The following TNKS2 variants were observed in gnomAD, a reference collection of about 807,000 sequenced individuals.
TNKS2 encodes the protein poly [ADP-ribose] polymerase tankyrase-2.
A neutral mutation model predicts 137.6 loss-of-function variants in TNKS2; 72 were observed. That is an observed-to-expected ratio of 0.52 (90% CI 0.43 to 0.64). TNKS2 has a LOEUF of 0.64. Ranked by LOEUF, TNKS2 falls within the 30% of genes least tolerant of loss-of-function variation. TNKS2 has a pLI of 0.00. For missense variants in TNKS2, 1,049 were observed against 1,410.2 expected, an observed-to-expected ratio of 0.74 and a Z score of 4.10; for synonymous variants, 516 against 512.1, an observed-to-expected ratio of 1.01 and a Z score of -0.10.
chr10:91,816,646 T>A (rs1372018691), intron 2 of TNKS2, among the ~76,000 whole-genome samples: 3 of 151,690 alleles, frequency 2.0e-5, no homozygotes, highest in Admixed American at 2.0e-4. Context: ...GCTATTCAGT[T>A]TTTTGTGTTT....
chr10:91,846,408 C>T (rs1407852395), intron 18 of TNKS2, among the ~76,000 whole-genome samples: 2 of 152,204 alleles, frequency 1.3e-5, no homozygotes, highest in Non-Finnish European at 2.9e-5. Context: ...TTGTTGCTCA[C>T]CCTACCTTAA....
chr10:91,852,234 A>C (rs9420573), intron 21 of TNKS2, among the ~76,000 whole-genome samples: 28,830 of 146,406 alleles, frequency 0.2, 2,839 homozygotes, highest in Middle Eastern at 0.3. Context: ...TCTCAAAAAA[A>C]ATAAATAAAT....
At chr10:91,839,518 C>G (rs1436785821) in intron 13 of TNKS2, among the ~76,000 whole-genome samples, 3 of 152,024 alleles carry the variant, frequency 2.0e-5, no homozygotes, top group African/African-American at 7.2e-5. Flanking sequence ...TCTCAAACTC[C>G]TGACCTCAAG....
chr10:91,849,624 A>G, intron 20 of TNKS2, 30 bp downstream of exon 20: 1 of 1,545,560 alleles, frequency 6.5e-7, no homozygotes, highest in Non-Finnish European at 8.7e-7. Flanking sequence ...TGTTTGGATT[A>G]GTGTTTTATG....
At chr10:91,814,467 T>C (rs1217389278) in intron 2 of TNKS2, among the ~76,000 whole-genome samples, 1 of 152,224 alleles carries the variant, frequency 6.6e-6, no homozygotes, top group African/African-American at 2.4e-5. Flanking sequence ...TAAACTTACA[T>C]AGCTAAGTGT....
intron 1 of TNKS2, among the ~76,000 whole-genome samples, chr10:91,811,074 G>A (rs1844487720): frequency 6.6e-6 from 1 of 150,792 alleles, no homozygotes. Flanking sequence ...ACAGGCACGC[G>A]CCACCACGCC....
chr10:91,819,366 T>C (rs1322642931), intron 4 of TNKS2, 60 bp downstream of exon 4: 2 of 1,431,002 alleles, frequency 1.4e-6, no homozygotes, highest in Admixed American at 5.3e-5. Flanking sequence ...TTTTCTTTTT[T>C]TTTTTTTTTA....
intron 18 of TNKS2, among the ~76,000 whole-genome samples, chr10:91,847,658 T>C (rs1842419101): frequency 6.6e-6 from 1 of 152,160 alleles, no homozygotes; most frequent in African/African-American, 2.4e-5. Context: ...CTGGCCCCAT[T>C]CTAGCAGATT....
rs753027175 is a variant in TNKS2, at chr10:91,865,474, G to C, written c.*2475G>C. ...TGCTCATTAAAATGAAAGTAGCTGT[G>C]AGATGCTTTCAACATTTAGTCTATT... On this transcript the variant is annotated 3_prime_UTR_variant, in exon 27 of 27. Coordinates refer to ENST00000371627, the MANE Select transcript of TNKS2 (RefSeq NM_025235.4). Among the ~76,000 whole-genome samples, 1 of 152,168 alleles carries C rather than the reference G, an allele frequency of 6.6e-6. No individual in the cohort carries two copies. The highest frequency in any genetic ancestry group is 1.5e-5 in the Non-Finnish European group (1 of 68,018).
intron 12 of TNKS2, among the ~76,000 whole-genome samples, chr10:91,835,294 T>TG (rs1261887107): frequency 6.6e-6 from 1 of 150,874 alleles, no homozygotes; most frequent in East Asian, 1.9e-4. Context: ...TCTTTTTTTT[T>TG]TTCTTTTTTT....
At chr10:91,854,933 G>T in intron 21 of TNKS2, 96 bp from the exon 22 acceptor site, 1 of 610,386 alleles carries the variant, frequency 1.6e-6, no homozygotes, top group Non-Finnish European at 2.8e-6. Flanking sequence ...AAAAAAATTG[G>T]TAGTAAGAAT....
intron 1 of TNKS2, among the ~76,000 whole-genome samples, chr10:91,805,525 A>G (rs997250813): frequency 6.6e-6 from 1 of 152,172 alleles, no homozygotes; most frequent in African/African-American, 2.4e-5. Context: ...ACAGAAGGCT[A>G]CTACTTGACC....
At chr10:91,840,743 C>G in intron 14 of TNKS2, 37 bp downstream of exon 14, 3 of 1,563,646 alleles carry the variant, frequency 1.9e-6, no homozygotes, top group Non-Finnish European at 2.6e-6. Flanking sequence ...CTCTTCCTTA[C>G]TTTTACTTGA....
chr10:91,815,020 A>G (rs1396874205), intron 2 of TNKS2, among the ~76,000 whole-genome samples: 1 of 152,242 alleles, frequency 6.6e-6, no homozygotes, highest in Admixed American at 6.5e-5. Context: ...AAATGGCAGG[A>G]TAAGTAAGAA....
chr10:91,827,659 G>A (rs1178244224), intron 8 of TNKS2, among the ~76,000 whole-genome samples: 3 of 152,136 alleles, frequency 2.0e-5, no homozygotes, highest in Non-Finnish European at 4.4e-5. Flanking sequence ...GATGTAGTGA[G>A]AAATAACCAC....
At chr10:91,812,671 T>G (rs191878433) in intron 1 of TNKS2, 1 of 601,708 alleles carries the variant, frequency 1.7e-6, no homozygotes, top group Admixed American at 6.3e-5. Flanking sequence ...CGCAGAACTC[T>G]ATTGTAGAGT....
chr10:91,857,366 G>C, intron 23 of TNKS2, 59 bp from the exon 24 acceptor site: 1 of 1,227,474 alleles, frequency 8.1e-7, no homozygotes. Flanking sequence ...GTTTGGTTTA[G>C]ATGAAGAAGT....
intron 1 of TNKS2, among the ~76,000 whole-genome samples, chr10:91,808,649 A>G (rs1844404203): frequency 1.3e-5 from 2 of 152,214 alleles, no homozygotes; most frequent in Non-Finnish European, 2.9e-5. Flanking sequence ...GTTGAGTTTG[A>G]GATACCTTTA....
chr10:91,850,897 G>C (rs755494854), intron 20 of TNKS2, among the ~76,000 whole-genome samples: 7 of 152,162 alleles, frequency 4.6e-5, no homozygotes, highest in Non-Finnish European at 7.3e-5. Context: ...CAGTGATGCA[G>C]AAGTACCACT....
Sources: allele counts gnomAD v4.1 joint callset (sites outside exome capture counted in the v4.1 genomes callset), GRCh38; gene constraint gnomAD v4.1.1; transcripts MANE v1.5; gene names NCBI Gene and HGNC (gene_info 2026-07-23, HGNC 2026-07-21).